SMOC2: variants seen among roughly 807,000 people sequenced by gnomAD.
SMOC2 encodes the protein SPARC-related modular calcium-binding protein 2.
Under a neutral mutation model 61.4 loss-of-function variants are expected in SMOC2, and 39 were observed. The ratio of observed to expected loss-of-function variants is 0.64; its 90% CI spans 0.49 to 0.83. The LOEUF (loss-of-function observed/expected upper bound fraction) is 0.83, where lower values mean the gene tolerates loss of function less well. Among genes scored for constraint, SMOC2 ranks in the 40% least tolerant of loss-of-function variants. The pLI, the probability that SMOC2 is intolerant of heterozygous loss-of-function variation, is 0.00. For missense variants in SMOC2, 556 were observed against 592.9 expected, an observed-to-expected ratio of 0.94 and a Z score of 0.65; for synonymous variants, 247 against 239.9, an observed-to-expected ratio of 1.03 and a Z score of -0.27.
chr6:168,541,320 C>T (rs1783872736), intron 4 of SMOC2, among the ~76,000 whole-genome samples: 1 of 152,200 alleles, frequency 6.6e-6, no homozygotes. Flanking sequence ...GGTCCAGCCT[C>T]CAGCCCGGGG....
chr6:168,583,061 G>T (rs1784958128), intron 7 of SMOC2, among the ~76,000 whole-genome samples: 1 of 152,232 alleles, frequency 6.6e-6, no homozygotes, highest in Non-Finnish European at 1.5e-5. Flanking sequence ...GTTTTGAACA[G>T]GAGGAGCCAT....
At chr6:168,531,420 A>G (rs1312194295) in intron 4 of SMOC2, among the ~76,000 whole-genome samples, 1 of 152,252 alleles carries the variant, frequency 6.6e-6, no homozygotes, top group Non-Finnish European at 1.5e-5. Flanking sequence ...TTCTCCCCAC[A>G]TGTACACATT....
intron 9 of SMOC2, among the ~76,000 whole-genome samples, chr6:168,617,031 C>A (rs1056902009): frequency 6.6e-6 from 1 of 152,086 alleles, no homozygotes; most frequent in Non-Finnish European, 1.5e-5. Flanking sequence ...CAGAGGGCAC[C>A]GGAGAGATGA....
intron 7 of SMOC2, among the ~76,000 whole-genome samples, chr6:168,581,992 C>T (rs1024984009): frequency 2.0e-5 from 3 of 152,196 alleles, no homozygotes; most frequent in African/African-American, 7.2e-5. Flanking sequence ...TCAGCATTAG[C>T]TTGTCTGCTT....
Position 168,603,276 on chromosome 6 carries a change from C to G in SMOC2, c.824+4272C>G, listed in dbSNP as rs1386458673. On this transcript the variant is annotated intron_variant, in intron 8 of 12. Coordinates refer to ENST00000356284, the MANE Select transcript of SMOC2 (RefSeq NM_001166412.2). ...TTTTTTTTTTTTTTTTAGAAATTAC[C>G]GAGTCTCAGGTATTTCTTCACAGCA... Among the ~76,000 whole-genome samples the G allele has an allele frequency of 2.2e-5, 3 of 134,650 alleles. No homozygotes were observed. In the East Asian group the frequency reaches 6.3e-4, roughly 28 times the overall value. 88.3% of individuals were successfully genotyped at this position (134,650 alleles called of 152,430 possible).
chr6:168,511,612 G>T (rs1486020792), intron 2 of SMOC2, among the ~76,000 whole-genome samples: 1 of 152,120 alleles, frequency 6.6e-6, no homozygotes, highest in African/African-American at 2.4e-5. Flanking sequence ...AGAAACATGT[G>T]ACTTTTCCCA....
At chr6:168,533,897 G>T (rs976579019) in intron 4 of SMOC2, among the ~76,000 whole-genome samples, 1 of 152,140 alleles carries the variant, frequency 6.6e-6, no homozygotes, top group East Asian at 1.9e-4. Context: ...ATGAGAGGTG[G>T]TCACTTCAGC....
intron 1 of SMOC2, among the ~76,000 whole-genome samples, chr6:168,502,492 T>C (rs1032462764): frequency 6.6e-6 from 1 of 152,214 alleles, no homozygotes; most frequent in African/African-American, 2.4e-5. Flanking sequence ...AATCTAGTCA[T>C]GCAGATTAAA....
At chr6:168,611,360 G>A (rs1228330882) in intron 9 of SMOC2, among the ~76,000 whole-genome samples, 1 of 69,262 alleles carries the variant, frequency 1.4e-5, no homozygotes, top group African/African-American at 5.9e-5. Flanking sequence ...CTCCCGTGTC[G>A]GGCCTGGCCG....
At chr6:168,471,012 T>C (rs1376631773) in intron 1 of SMOC2, among the ~76,000 whole-genome samples, 1 of 152,238 alleles carries the variant, frequency 6.6e-6, no homozygotes, top group African/African-American at 2.4e-5. Flanking sequence ...TTTTATTACA[T>C]CTGCTAAATT....
In SMOC2 at chr6:168,456,459, G is replaced by A. The variant is rs560738799; in HGVS notation, c.84+15005G>A. On this transcript the variant is annotated intron_variant, in intron 1 of 12. Transcript: ENST00000356284. Reference sequence around the variant, plus strand: ...AAAGAGAAACCTCGCAGTGGGTTCCGTTCACACCAGGTACCTTCGGTGCTG... The same window carrying A: ...AAAGAGAAACCTCGCAGTGGGTTCCATTCACACCAGGTACCTTCGGTGCTG... Among the ~76,000 whole-genome samples the A allele has an allele frequency of 3.6e-4, 55 of 152,242 alleles. No homozygotes were observed. The South Asian group carries it at 5.2e-3, about 14-fold the overall frequency.
At chr6:168,474,546 C>T (rs996615165) in intron 1 of SMOC2, among the ~76,000 whole-genome samples, 10 of 152,142 alleles carry the variant, frequency 6.6e-5, no homozygotes, top group African/African-American at 1.9e-4. Context: ...TCAGTAATGC[C>T]GCTATGTCCC....
At chr6:168,564,244 ACT>A (rs1427142833) in intron 7 of SMOC2, among the ~76,000 whole-genome samples, 1 of 149,394 alleles carries the variant, frequency 6.7e-6, no homozygotes, top group African/African-American at 2.5e-5. Flanking sequence ...ATTTTCTTCC[ACT>A]CTGAGCCGTC....
intron 8 of SMOC2, 149 bp downstream of exon 8, chr6:168,599,153 CCA>C (rs570119907): frequency 8.2e-5 from 57 of 696,576 alleles, no homozygotes; most frequent in East Asian, 6.1e-4. Context: ...ACACACATAC[CCA>C]CACACACCCA....
intron 7 of SMOC2, among the ~76,000 whole-genome samples, chr6:168,596,688 T>C (rs112811655): frequency 0.01 from 1,581 of 152,374 alleles, 27 homozygotes; most frequent in African/African-American, 0.034. Context: ...TGCTGTTTTC[T>C]GTTTCTTCCA....
intron 1 of SMOC2, among the ~76,000 whole-genome samples, chr6:168,442,816 G>T (rs190973803): frequency 1.6e-4 from 25 of 152,226 alleles, no homozygotes; most frequent in Admixed American, 1.4e-3. Context: ...AGCAGCCCGG[G>T]GTCCCTGCCT....
intron 7 of SMOC2, among the ~76,000 whole-genome samples, chr6:168,556,844 C>T (rs1201739161): frequency 6.9e-6 from 1 of 143,982 alleles, no homozygotes; most frequent in Non-Finnish European, 1.5e-5. Context: ...CTGGAGAGAA[C>T]GTAGAGGCCT....
intron 7 of SMOC2, among the ~76,000 whole-genome samples, chr6:168,571,959 TGC>T: frequency 9.0e-5 from 2 of 22,222 alleles, no homozygotes; most frequent in Non-Finnish European, 7.9e-5. Context: ...GGACCAGGGC[TGC>T]GTGCTCCCTG....
At chr6:168,491,718 C>G (rs1225651268) in intron 1 of SMOC2, among the ~76,000 whole-genome samples, 3 of 152,010 alleles carry the variant, frequency 2.0e-5, no homozygotes, top group Non-Finnish European at 4.4e-5. Context: ...GACACAGATA[C>G]AGAAGAGCCA....
Sources: gnomAD v4.1 joint callset for allele counts (sites outside exome capture counted in the v4.1 genomes callset) on GRCh38, gnomAD v4.1.1 for gene constraint, MANE v1.5 for transcripts, NCBI Gene and HGNC (gene_info 2026-07-23, HGNC 2026-07-21) for gene names.